CCDC171: variants seen among roughly 807,000 people sequenced by gnomAD.
CCDC171 encodes coiled-coil domain containing 171.
A neutral mutation model predicts 168.2 loss-of-function variants in CCDC171; 177 were observed. The observed-to-expected ratio is 1.05, with a 90% CI of 0.93 to 1.19. The LOEUF (loss-of-function observed/expected upper bound fraction) is 1.19. Ranked by LOEUF, CCDC171 falls within the 50% of genes most tolerant of loss-of-function variation. The probability of loss-of-function intolerance (pLI) is 0.00; values close to 1 mark genes in which losing one functional copy is unlikely to be tolerated. For synonymous variants in CCDC171, 687 were observed against 540.8 expected (o/e 1.27, Z -3.75); for missense variants, 1,991 against 1,539.0 (o/e 1.29, Z -4.91).
At chr9:15,966,410 G>A (rs999779863) in intron 25 of CCDC171, among the ~76,000 whole-genome samples, 3 of 152,202 alleles carry the variant, frequency 2.0e-5, no homozygotes, top group Non-Finnish European at 4.4e-5. Context: ...GATGAGGCTG[G>A]ACAGGGAAGC....
intron 3 of CCDC171, among the ~76,000 whole-genome samples, chr9:16,011,700 A>G (rs1330266908): frequency 2.0e-5 from 3 of 152,184 alleles, no homozygotes; most frequent in Non-Finnish European, 4.4e-5. Context: ...CCGATTTTGC[A>G]CTAGGACTGG....
intron 18 of CCDC171, among the ~76,000 whole-genome samples, chr9:15,777,017 A>G (rs887962363): frequency 8.5e-5 from 13 of 152,238 alleles, no homozygotes; most frequent in Admixed American, 2.6e-4. Flanking sequence ...TGGAATACCA[A>G]TTAGTAGAAA....
intron 3 of CCDC171, among the ~76,000 whole-genome samples, chr9:15,573,176 T>C (rs2040371018): frequency 6.6e-6 from 1 of 152,090 alleles, no homozygotes; most frequent in Admixed American, 6.5e-5. Context: ...TTTTTCAGGA[T>C]ATCTAAGGAG....
intron 25 of CCDC171, among the ~76,000 whole-genome samples, chr9:15,933,463 C>T (rs569471156): frequency 1.3e-5 from 2 of 151,888 alleles, no homozygotes; most frequent in East Asian, 3.9e-4. Flanking sequence ...ACGAATGCTT[C>T]AGTTTATTAA....
At chr9:15,870,790 A>T (rs973527219) in intron 23 of CCDC171, among the ~76,000 whole-genome samples, 5 of 67,654 alleles carry the variant, frequency 7.4e-5, no homozygotes, top group Non-Finnish European at 1.3e-4. Flanking sequence ...TAGCAGAAAT[A>T]GCTTTTTTTT....
intron 21 of CCDC171, among the ~76,000 whole-genome samples, chr9:15,799,717 T>C (rs2058727849): frequency 1.3e-5 from 2 of 152,004 alleles, no homozygotes; most frequent in Non-Finnish European, 2.9e-5. Flanking sequence ...TTATTCAATC[T>C]TTCTCTCTGT....
chr9:15,678,667 T>C, intron 9 of CCDC171, 91 bp from the exon 10 acceptor site: 2 of 1,009,534 alleles, frequency 2.0e-6, no homozygotes, highest in Non-Finnish European at 2.8e-6. Context: ...ACACATGATA[T>C]GTAGTACATC....
the CCDC171 span, among the ~76,000 whole-genome samples, chr9:16,093,406 C>T: frequency 6.6e-6 from 1 of 152,152 alleles, no homozygotes; most frequent in Non-Finnish European, 1.5e-5. Flanking sequence ...TCCCTCTGCA[C>T]CCCACCAGCC....
At chr9:16,103,822 C>T in the CCDC171 span, among the ~76,000 whole-genome samples, 5 of 152,088 alleles carry the variant, frequency 3.3e-5, no homozygotes, top group Admixed American at 6.5e-5. Flanking sequence ...CGGGCTTTGA[C>T]GCATGGACTC....
intron 16 of CCDC171, among the ~76,000 whole-genome samples, chr9:15,732,980 T>A (rs943555616): frequency 1.5e-4 from 23 of 152,284 alleles, no homozygotes; most frequent in African/African-American, 5.5e-4. Context: ...GACTTCATCA[T>A]TTTTTTCTTT....
At chr9:15,697,051 G>C (rs973766355) in intron 11 of CCDC171, among the ~76,000 whole-genome samples, 1 of 152,118 alleles carries the variant, frequency 6.6e-6, no homozygotes, top group Admixed American at 6.5e-5. Context: ...GCCTTGGGAG[G>C]CTGCCTTCTG....
rs369573004 is a variant in CCDC171, at chr9:15,757,768, C to T, written c.2671+12137C>T. 1.9e-4 allele frequency among the ~76,000 whole-genome samples: 29 copies of T among 152,284 alleles called. 1 individual carries two copies. Among genetic ancestry groups the T allele is most frequent in the African/African-American group, 5.3e-4 (22 of 41,554 alleles). On this transcript the variant is annotated intron_variant, in intron 18 of 25. Transcript: ENST00000380701. ...GTCAGCCTAGGGGCTTGATGCCCTGCGTCCCAGCTGCTCCAGCTGTGGGGC... is the reference window on the plus strand; with the variant it reads ...GTCAGCCTAGGGGCTTGATGCCCTGTGTCCCAGCTGCTCCAGCTGTGGGGC...
intron 25 of CCDC171, among the ~76,000 whole-genome samples, chr9:15,955,614 C>G (rs1829712915): frequency 6.6e-6 from 1 of 152,068 alleles, no homozygotes; most frequent in Non-Finnish European, 1.5e-5. Context: ...AATTTACTGT[C>G]CAAGCCTTCC....
chr9:15,910,422 C>T (rs1450903154), intron 24 of CCDC171, among the ~76,000 whole-genome samples: 1 of 152,070 alleles, frequency 6.6e-6, no homozygotes, highest in Admixed American at 6.6e-5. Flanking sequence ...TTCCATTGAT[C>T]TGTATGTCTG....
chr9:15,650,254 T>A (rs1432031546), intron 7 of CCDC171, among the ~76,000 whole-genome samples: 1 of 151,490 alleles, frequency 6.6e-6, no homozygotes, highest in East Asian at 1.9e-4. Context: ...TGTCGTGGGG[T>A]GGAGGGATGG....
chr9:15,787,500 C>T (rs1438300551), intron 21 of CCDC171, among the ~76,000 whole-genome samples: 1 of 152,076 alleles, frequency 6.6e-6, no homozygotes, highest in East Asian at 1.9e-4. Flanking sequence ...TCTTCCTTCT[C>T]TCACTCCTTT....
chr9:15,758,168 C>G (rs897359114), intron 18 of CCDC171, among the ~76,000 whole-genome samples: 4 of 152,202 alleles, frequency 2.6e-5, no homozygotes, highest in African/African-American at 9.6e-5. Context: ...GCCACAGACA[C>G]TCAATGCCAG....
chr9:16,065,593 T>C (rs1833982114), downstream of CCDC171, among the ~76,000 whole-genome samples: 1 of 152,156 alleles, frequency 6.6e-6, no homozygotes, highest in Non-Finnish European at 1.5e-5. Context: ...TGAGCACCAC[T>C]CTGACACACA....
chr9:15,583,954 G>A (rs780526907), intron 4 of CCDC171, among the ~76,000 whole-genome samples: 3 of 152,004 alleles, frequency 2.0e-5, no homozygotes, highest in African/African-American at 7.2e-5. Flanking sequence ...TGCAACCACC[G>A]CCTCCCGGGT....
Sources: allele counts gnomAD v4.1 joint callset (sites outside exome capture counted in the v4.1 genomes callset), GRCh38; gene constraint gnomAD v4.1.1; transcripts MANE v1.5; gene names NCBI Gene and HGNC (gene_info 2026-07-23, HGNC 2026-07-21).